Variants in GFRA1 observed in about 807,000 individuals in gnomAD.
GFRA1 encodes GDNF family receptor alpha 1.
In GFRA1, 16 loss-of-function variants were observed where a neutral mutation model predicts 51.6. That is an observed-to-expected ratio of 0.31 (90% CI 0.21 to 0.47). The LOEUF (loss-of-function observed/expected upper bound fraction) is 0.47. GFRA1 is among the 20% of genes least tolerant of loss of function. The probability of loss-of-function intolerance (pLI) is 1.00; values close to 1 mark genes in which losing one functional copy is unlikely to be tolerated. For missense variants in GFRA1, 530 were observed against 594.3 expected (o/e 0.89, Z 1.13); for synonymous variants, 270 against 241.3 (o/e 1.12, Z -1.10).
chr10:116,267,802 C>T (rs1969781126), intron 4 of GFRA1, among the ~76,000 whole-genome samples: 2 of 152,162 alleles, frequency 1.3e-5, no homozygotes, highest in South Asian at 4.1e-4. Flanking sequence ...AAACCATTGT[C>T]CTGGCTGGAT....
chr10:116,068,397 T>A (rs1477060332), intron 9 of GFRA1, among the ~76,000 whole-genome samples: 1 of 152,240 alleles, frequency 6.6e-6, no homozygotes, highest in Admixed American at 6.5e-5. Flanking sequence ...AAGGATTGCA[T>A]ATAGGTTTGA....
chr10:116,084,532 C>T (rs1956001176), intron 9 of GFRA1, among the ~76,000 whole-genome samples: 1 of 152,154 alleles, frequency 6.6e-6, no homozygotes, highest in Non-Finnish European at 1.5e-5. Flanking sequence ...TCACGCATTT[C>T]CAGGGGCAAG....
chr10:116,249,754 A>T (rs1200647178), intron 4 of GFRA1, among the ~76,000 whole-genome samples: 2 of 152,190 alleles, frequency 1.3e-5, no homozygotes, highest in African/African-American at 4.8e-5. Flanking sequence ...AGCACCTACT[A>T]CATAGTTTTC....
At chr10:116,271,174 C>T (rs1843902237) in intron 2 of GFRA1, 59 bp from the exon 3 acceptor site, 1 of 1,487,600 alleles carries the variant, frequency 6.7e-7, no homozygotes, top group African/African-American at 1.4e-5. Flanking sequence ...GCCGCCCCTG[C>T]TCCGGGCGAG....
At chr10:116,066,866 C>G (rs946451394) in intron 9 of GFRA1, among the ~76,000 whole-genome samples, 16 of 152,312 alleles carry the variant, frequency 1.1e-4, no homozygotes, top group African/African-American at 3.6e-4. Context: ...CCTGGGCAAC[C>G]CAGCTCTGTG....
chr10:116,246,990 G>A (rs1234721433), intron 4 of GFRA1, among the ~76,000 whole-genome samples: 1 of 152,156 alleles, frequency 6.6e-6, no homozygotes. Context: ...AAGTGTACAT[G>A]GTAAAAGATA....
At chr10:116,251,591 T>C (rs903853228) in intron 4 of GFRA1, among the ~76,000 whole-genome samples, 1 of 152,218 alleles carries the variant, frequency 6.6e-6, no homozygotes, top group Admixed American at 6.5e-5. Context: ...CTCAGGTGTC[T>C]GATGCATACA....
At chr10:116,245,706 G>A (rs1016875713) in intron 4 of GFRA1, among the ~76,000 whole-genome samples, 41 of 152,194 alleles carry the variant, frequency 2.7e-4, no homozygotes, top group African/African-American at 9.9e-4. Context: ...TAAGTGAATT[G>A]GTAAACAAAG....
At chr10:116,252,811 G>A (rs1200722321) in intron 4 of GFRA1, among the ~76,000 whole-genome samples, 2 of 152,096 alleles carry the variant, frequency 1.3e-5, no homozygotes, top group Non-Finnish European at 2.9e-5. Context: ...ACAATGACAC[G>A]GCACAGCAGA....
At chr10:116,143,193 T>C (rs1462187346) in intron 5 of GFRA1, among the ~76,000 whole-genome samples, 1 of 152,174 alleles carries the variant, frequency 6.6e-6, no homozygotes, top group Non-Finnish European at 1.5e-5. Flanking sequence ...TGTATATTCA[T>C]TCAAATTGAA....
chr10:116,266,274 A>G (rs1969650817), intron 4 of GFRA1, among the ~76,000 whole-genome samples: 1 of 152,168 alleles, frequency 6.6e-6, no homozygotes, highest in Non-Finnish European at 1.5e-5. Context: ...AAACATGGAA[A>G]GTGATTGCTA....
chr10:116,065,727 T>C (rs1168003105), intron 9 of GFRA1, 101 bp from the exon 10 acceptor site: 6 of 858,962 alleles, frequency 7.0e-6, no homozygotes, highest in South Asian at 1.4e-5. Context: ...CTGATAAATA[T>C]GTGAGACACA....
chr10:116,272,297 G>T lies in GFRA1; in HGVS notation c.-246-22C>A. 1.8e-6 allele frequency: 1 copy of T among 569,020 alleles called. No individual in the cohort carries two copies. The highest frequency in any genetic ancestry group is 2.9e-5 in the East Asian group (1 of 33,910). The allele number at this position is 569,020 out of a possible 1,614,324, so 35.2% of individuals were successfully genotyped here. ...CAACCTGGAAGGGAGGGCGCGCTTT[G>T]AGATGAGAGCGGAGAGCGCCGGAGA... On this transcript the variant is annotated intron_variant, in intron 1 of 10. Coordinates refer to ENST00000355422, the MANE Select transcript of GFRA1 (RefSeq NM_005264.8). This position sits in a 1 kb window ranked among gnomAD's most constrained non-coding sequence, Gnocchi z 4.4.
chr10:116,074,092 A>G (rs770865673), intron 9 of GFRA1, among the ~76,000 whole-genome samples: 15 of 152,204 alleles, frequency 9.9e-5, no homozygotes, highest in Non-Finnish European at 1.9e-4. Context: ...TCACCCGATG[A>G]TGATCCCATC....
chr10:116,229,944 G>A (rs534642601), intron 4 of GFRA1, among the ~76,000 whole-genome samples: 4 of 152,272 alleles, frequency 2.6e-5, no homozygotes, highest in Non-Finnish European at 4.4e-5. Context: ...ACCCCTTGGG[G>A]AGCTTCCTTC....
intron 4 of GFRA1, among the ~76,000 whole-genome samples, chr10:116,253,919 C>T (rs531705116): frequency 2.0e-5 from 3 of 152,256 alleles, no homozygotes; most frequent in African/African-American, 7.2e-5. Flanking sequence ...TGGCCTTAGG[C>T]AGGTCACTGG....
rs774806465 is a variant in GFRA1, at chr10:116,272,037, G to A, written c.-8C>T. The A allele has an allele frequency of 1.3e-6, 2 of 1,553,936 alleles. No homozygotes were observed. Among genetic ancestry groups the A allele is most frequent in the Non-Finnish European group, 1.7e-6 (2 of 1,149,534 alleles). On this transcript the variant is annotated 5_prime_UTR_variant, in exon 2 of 11. Transcript: ENST00000355422. This position sits in a 1 kb window ranked among gnomAD's most constrained non-coding sequence, Gnocchi z 4.4. ...CAGGGTCGCCAGGAACATGGTGCCG[G>A]CGCGGGGCTGGTCCCCGCCCCCCCA...
At chr10:116,239,103 G>A (rs889573719) in intron 4 of GFRA1, among the ~76,000 whole-genome samples, 1 of 152,130 alleles carries the variant, frequency 6.6e-6, no homozygotes, top group African/African-American at 2.4e-5. Context: ...GCCAATTAAC[G>A]AACAAAAATC....
chr10:116,108,358 T>C lies in GFRA1; in HGVS notation c.771-11594A>G, dbSNP rs769021428. On this transcript the variant is annotated intron_variant, in intron 6 of 10. Transcript: ENST00000355422. ...GCTCAGGAGACAGGGAATTGTGGCA[T>C]TAGACGTCAAATGAATAAATCACTC... 2.6e-5 allele frequency among the ~76,000 whole-genome samples: 4 copies of C among 152,152 alleles called. No individual in the cohort carries two copies. In the East Asian group the frequency reaches 7.7e-4, roughly 29 times the overall value.
Sources: allele counts gnomAD v4.1 joint callset (sites outside exome capture counted in the v4.1 genomes callset), GRCh38; gene constraint gnomAD v4.1.1; non-coding constraint Gnocchi (gnomAD v3.1); transcripts MANE v1.5; gene names NCBI Gene and HGNC (gene_info 2026-07-23, HGNC 2026-07-21).